Variants in NRXN1 observed in about 807,000 individuals in gnomAD.
NRXN1 encodes neurexin 1, also known as neurexin-1.
Under a neutral mutation model 150.9 loss-of-function variants are expected in NRXN1, and 39 were observed. The ratio of observed to expected loss-of-function variants is 0.26; its 90% CI spans 0.20 to 0.34. The LOEUF is 0.34. NRXN1 is among the 10% of genes least tolerant of loss of function. The pLI is 1.00. For synonymous variants in NRXN1, 924 were observed against 757.0 expected (o/e 1.22, Z -3.62); for missense variants, 1,815 against 1,949.9 (o/e 0.93, Z 1.30).
chr2:49,985,306 T>C (rs574907078), intron 21 of NRXN1, among the ~76,000 whole-genome samples: 2 of 152,308 alleles, frequency 1.3e-5, no homozygotes, highest in South Asian at 2.1e-4. Context: ...TACGATTCAA[T>C]AAATTTTATT....
At chr2:50,641,087 G>C (rs1159027525) in intron 5 of NRXN1, among the ~76,000 whole-genome samples, 2 of 152,072 alleles carry the variant, frequency 1.3e-5, no homozygotes, top group African/African-American at 4.8e-5. Flanking sequence ...ACTGCAGGCT[G>C]AAATTTTAAA....
At chr2:50,976,709 T>C (rs1308311457) in intron 2 of NRXN1, among the ~76,000 whole-genome samples, 4 of 151,852 alleles carry the variant, frequency 2.6e-5, no homozygotes, top group South Asian at 4.2e-4. Flanking sequence ...AAGATGAAAA[T>C]TGAGCATACC....
At chr2:50,747,740 T>A (rs1332157320) in intron 5 of NRXN1, among the ~76,000 whole-genome samples, 1 of 152,112 alleles carries the variant, frequency 6.6e-6, no homozygotes, top group African/African-American at 2.4e-5. Context: ...ATAATATCCA[T>A]CTATGTGCTA....
At chr2:50,752,098 C>G (rs972243487) in intron 5 of NRXN1, among the ~76,000 whole-genome samples, 2 of 151,956 alleles carry the variant, frequency 1.3e-5, no homozygotes, top group African/African-American at 2.4e-5. Context: ...CAGGCTCAAA[C>G]AAACCTTTTA....
chr2:50,855,155 T>C (rs978691451), intron 5 of NRXN1, among the ~76,000 whole-genome samples: 1 of 151,910 alleles, frequency 6.6e-6, no homozygotes, highest in African/African-American at 2.4e-5. Context: ...GTTCAAGATA[T>C]AAGGGAAGAG....
chr2:50,628,615 C>T (rs1315488112), intron 5 of NRXN1, among the ~76,000 whole-genome samples: 1 of 151,708 alleles, frequency 6.6e-6, no homozygotes, highest in Non-Finnish European at 1.5e-5. Flanking sequence ...AAATACTAAG[C>T]AGCAGAGTGT....
chr2:50,911,735 A>G (rs944858451), intron 5 of NRXN1, among the ~76,000 whole-genome samples: 3 of 151,924 alleles, frequency 2.0e-5, no homozygotes, highest in Admixed American at 2.0e-4. Context: ...CATATTACAA[A>G]GTGTCCATAG....
At chr2:50,290,895 C>T (rs1400933259) in intron 17 of NRXN1, among the ~76,000 whole-genome samples, 5 of 152,144 alleles carry the variant, frequency 3.3e-5, no homozygotes, top group African/African-American at 1.2e-4. Context: ...GAGCTTTCGT[C>T]AAATGCGACT....
intron 21 of NRXN1, among the ~76,000 whole-genome samples, chr2:49,975,505 A>G (rs941526044): frequency 3.9e-5 from 6 of 152,142 alleles, no homozygotes; most frequent in Non-Finnish European, 7.4e-5. Context: ...AACTAAACAC[A>G]TTCCTGAAAG....
intron 5 of NRXN1, among the ~76,000 whole-genome samples, chr2:50,842,024 C>A (rs1046688587): frequency 2.6e-5 from 4 of 152,142 alleles, no homozygotes; most frequent in African/African-American, 7.2e-5. Context: ...TATCAAATAA[C>A]TAGCTTGAAT....
intron 17 of NRXN1, among the ~76,000 whole-genome samples, chr2:50,269,438 A>G (rs772809428): frequency 8.5e-5 from 13 of 152,230 alleles, no homozygotes; most frequent in Non-Finnish European, 1.5e-4. Context: ...GATTACGTCT[A>G]CGTATTTACA....
At chr2:50,411,837 G>A (rs997473593) in intron 17 of NRXN1, among the ~76,000 whole-genome samples, 9 of 152,222 alleles carry the variant, frequency 5.9e-5, no homozygotes, top group African/African-American at 1.4e-4. Flanking sequence ...CATTGAGAAC[G>A]GGCCATGATG....
chr2:49,944,798 A>G (rs35371642), intron 21 of NRXN1, among the ~76,000 whole-genome samples: 27,398 of 152,150 alleles, frequency 0.18, 2,710 homozygotes, highest in East Asian at 0.32. Flanking sequence ...AGAATTGTTC[A>G]AACAATTCTC....
At chr2:50,988,015 C>T (rs761654695) in intron 2 of NRXN1, among the ~76,000 whole-genome samples, 1 of 151,956 alleles carries the variant, frequency 6.6e-6, no homozygotes, top group Non-Finnish European at 1.5e-5. Flanking sequence ...AGTCTAAATC[C>T]GGATAGCTGC....
At chr2:50,272,848 G>C (rs991582869) in intron 17 of NRXN1, among the ~76,000 whole-genome samples, 9 of 151,850 alleles carry the variant, frequency 5.9e-5, no homozygotes, top group African/African-American at 2.2e-4. Flanking sequence ...AAAAATGCAT[G>C]CTACTTATTA....
At chr2:50,986,917 C>T (rs1697813520) in intron 2 of NRXN1, among the ~76,000 whole-genome samples, 1 of 151,700 alleles carries the variant, frequency 6.6e-6, no homozygotes, top group South Asian at 2.1e-4. Context: ...TGAAAAACAG[C>T]ACCCTGAAAT....
chr2:50,051,585 T>C (rs915855145), intron 21 of NRXN1, among the ~76,000 whole-genome samples: 3 of 152,084 alleles, frequency 2.0e-5, no homozygotes, highest in Non-Finnish European at 4.4e-5. Context: ...AATGAAACAT[T>C]AGCAAAGAAT....
At chr2:50,254,289 TTTGA>T (rs994349915) in intron 17 of NRXN1, among the ~76,000 whole-genome samples, 1 of 140,242 alleles carries the variant, frequency 7.1e-6, no homozygotes, top group Non-Finnish European at 1.6e-5. Flanking sequence ...ATTGTGTCAA[TTTGA>T]TTATTTTCTC....
intron 17 of NRXN1, among the ~76,000 whole-genome samples, chr2:50,421,847 C>T (rs1274438663): frequency 6.6e-6 from 1 of 151,926 alleles, no homozygotes; most frequent in Non-Finnish European, 1.5e-5. Flanking sequence ...ATTTTTTTCT[C>T]CTAAAGAAAC....
Sources: allele counts gnomAD v4.1 joint callset (sites outside exome capture counted in the v4.1 genomes callset), GRCh38; gene constraint gnomAD v4.1.1; transcripts MANE v1.5; gene names NCBI Gene and HGNC (gene_info 2026-07-23, HGNC 2026-07-21).